The following ARHGAP28 variants were observed in gnomAD, a reference collection of about 807,000 sequenced individuals.
The protein encoded by ARHGAP28 is rho GTPase-activating protein 28.
In ARHGAP28, 56 loss-of-function variants were observed where a neutral mutation model predicts 90.7. The observed-to-expected ratio is 0.62, with a 90% CI of 0.50 to 0.77. The LOEUF (loss-of-function observed/expected upper bound fraction) is 0.77. Among genes scored for constraint, ARHGAP28 ranks in the 30% least tolerant of loss-of-function variants. ARHGAP28 has a pLI of 0.00. For synonymous variants in ARHGAP28, 308 were observed against 323.3 expected (o/e 0.95, Z 0.51); for missense variants, 869 against 900.9 (o/e 0.96, Z 0.45).
At chr18:6,758,341 CTT>C (rs869196522) in intron 1 of ARHGAP28, among the ~76,000 whole-genome samples, 3 of 146,208 alleles carry the variant, frequency 2.1e-5, no homozygotes, top group African/African-American at 7.5e-5. Flanking sequence ...GCTTGCTTGT[CTT>C]TTTTTTTTTT....
At chr18:6,841,152 C>CTCTCTCTCTCTCCTCTCTCTCTCT in intron 3 of ARHGAP28, among the ~76,000 whole-genome samples, 1 of 112,330 alleles carries the variant, frequency 8.9e-6, no homozygotes, top group African/African-American at 3.3e-5. Context: ...CTGTCTCTCT[C>CTCTCTCTCTCTCCTCTCTCTCTCT]CTCTTTCTCT....
intron 14 of ARHGAP28, among the ~76,000 whole-genome samples, chr18:6,891,509 C>CCTAA (rs2057265240): frequency 6.6e-6 from 1 of 152,050 alleles, no homozygotes; most frequent in Admixed American, 6.6e-5. Flanking sequence ...ATCTTGAACT[C>CCTAA]CTAACCTCAG....
At chr18:6,896,681 G>GA in intron 16 of ARHGAP28, 55 bp downstream of exon 16, 1 of 1,595,216 alleles carries the variant, frequency 6.3e-7, no homozygotes, top group Non-Finnish European at 8.5e-7. Context: ...TTTATCAGAT[G>GA]AATAACTTTC....
chr18:6,760,111 AAC>A (rs145774328), intron 1 of ARHGAP28, among the ~76,000 whole-genome samples: 3 of 152,012 alleles, frequency 2.0e-5, no homozygotes, highest in East Asian at 3.9e-4. Flanking sequence ...TGTAAGTTCA[AAC>A]ACACACACAC....
At chr18:6,874,131 A>G (rs577682439) in intron 9 of ARHGAP28, among the ~76,000 whole-genome samples, 5 of 152,338 alleles carry the variant, frequency 3.3e-5, no homozygotes, top group South Asian at 4.1e-4. Context: ...TGATTATTCT[A>G]TCTAGATAAA....
At chr18:6,782,888 A>G (rs2056336795) in intron 1 of ARHGAP28, among the ~76,000 whole-genome samples, 1 of 151,534 alleles carries the variant, frequency 6.6e-6, no homozygotes, top group Non-Finnish European at 1.5e-5. Context: ...ACTCTTTCTT[A>G]TTTTCTTTGG....
intron 3 of ARHGAP28, among the ~76,000 whole-genome samples, chr18:6,849,914 T>C (rs927586721): frequency 1.8e-4 from 27 of 152,332 alleles, no homozygotes; most frequent in African/African-American, 5.3e-4. Context: ...CAAGTATTTC[T>C]GTAATTATTT....
At chr18:6,871,027 C>T (rs1257594824) in intron 7 of ARHGAP28, among the ~76,000 whole-genome samples, 1 of 152,226 alleles carries the variant, frequency 6.6e-6, no homozygotes, top group Non-Finnish European at 1.5e-5. Flanking sequence ...GTCTCGATCT[C>T]CTGACCTCAC....
chr18:6,741,605 TA>T, intron 1 of ARHGAP28, among the ~76,000 whole-genome samples: 1 of 152,238 alleles, frequency 6.6e-6, no homozygotes, highest in Non-Finnish European at 1.5e-5. Context: ...ATCCAGATGA[TA>T]AAAAAAGTTC....
At chr18:6,868,322 G>A in intron 6 of ARHGAP28, 88 bp downstream of exon 6, 2 of 1,207,752 alleles carry the variant, frequency 1.7e-6, no homozygotes, top group Non-Finnish European at 2.4e-6. Flanking sequence ...ATTTCTAAAA[G>A]CGAAGTATAA....
intron 16 of ARHGAP28, among the ~76,000 whole-genome samples, chr18:6,902,295 T>C (rs940605085): frequency 6.6e-6 from 1 of 152,240 alleles, no homozygotes; most frequent in Admixed American, 6.5e-5. Context: ...ACAAATGTAC[T>C]ATATTAATAT....
chr18:6,752,680 C>T (rs1006985025), intron 1 of ARHGAP28, among the ~76,000 whole-genome samples: 2 of 152,278 alleles, frequency 1.3e-5, no homozygotes, highest in East Asian at 1.9e-4. Flanking sequence ...GGAAGCTTCT[C>T]AGGCTCAAAG....
chr18:6,781,010 T>C (rs1254447290), intron 1 of ARHGAP28, among the ~76,000 whole-genome samples: 1 of 152,206 alleles, frequency 6.6e-6, no homozygotes, highest in East Asian at 1.9e-4. Flanking sequence ...GAGCCCCCAC[T>C]TCTGACGGAC....
intron 3 of ARHGAP28, among the ~76,000 whole-genome samples, chr18:6,839,332 C>A (rs372704650): frequency 1.4e-5 from 2 of 140,642 alleles, no homozygotes; most frequent in East Asian, 2.0e-4. Flanking sequence ...CTCGCTCTGT[C>A]GCCCAGGCTG....
In ARHGAP28 at chr18:6,803,841, C is replaced by T. The variant is rs187462866; in HGVS notation, c.123-20921C>T. ...TCGCCCAGGCTGGAGTGCAGTGGCGCGATCTTGGCTCACCGCAAGCCCCGC... is the reference window on the plus strand; with the variant it reads ...TCGCCCAGGCTGGAGTGCAGTGGCGTGATCTTGGCTCACCGCAAGCCCCGC... On this transcript the variant is annotated intron_variant, in intron 1 of 17. Transcript: ENST00000383472. 1.9e-3 allele frequency among the ~76,000 whole-genome samples: 286 copies of T among 152,042 alleles called. 1 individual carries two copies. Among genetic ancestry groups the T allele is most frequent in the East Asian group, 9.5e-3 (49 of 5,164 alleles).
At chr18:6,746,511 A>C (rs1567933497) in intron 1 of ARHGAP28, among the ~76,000 whole-genome samples, 1 of 152,190 alleles carries the variant, frequency 6.6e-6, no homozygotes, top group Admixed American at 6.5e-5. Context: ...TACTCCGCCT[A>C]CTCATGAGGC....
intron 5 of ARHGAP28, among the ~76,000 whole-genome samples, chr18:6,867,759 C>T (rs1015168769): frequency 6.6e-6 from 1 of 152,018 alleles, no homozygotes; most frequent in African/African-American, 2.4e-5. Context: ...GATTAATTAA[C>T]AAATGATATT....
At chr18:6,800,444 G>T (rs2056473486) in intron 1 of ARHGAP28, among the ~76,000 whole-genome samples, 1 of 152,110 alleles carries the variant, frequency 6.6e-6, no homozygotes, top group African/African-American at 2.4e-5. Context: ...CAAAAGCAAA[G>T]ACTTGGAACC....
intron 10 of ARHGAP28, among the ~76,000 whole-genome samples, chr18:6,876,659 G>T (rs1158292612): frequency 6.6e-6 from 1 of 152,106 alleles, no homozygotes; most frequent in Non-Finnish European, 1.5e-5. Flanking sequence ...ATCATTCGTT[G>T]GTTTAAACAT....
Sources: gnomAD v4.1 joint callset for allele counts (sites outside exome capture counted in the v4.1 genomes callset) on GRCh38, gnomAD v4.1.1 for gene constraint, MANE v1.5 for transcripts, NCBI Gene and HGNC (gene_info 2026-07-23, HGNC 2026-07-21) for gene names.